Variants in RORA observed in about 807,000 individuals in gnomAD.
RORA encodes RAR related orphan receptor A, also known as nuclear receptor ROR-alpha.
Under a neutral mutation model 69.5 loss-of-function variants are expected in RORA, and 7 were observed. The observed-to-expected ratio is 0.10, with a 90% CI of 0.06 to 0.19. The LOEUF is 0.19. Among genes scored for constraint, RORA ranks in the 10% least tolerant of loss-of-function variants. RORA has a pLI of 1.00. For synonymous variants in RORA, 261 were observed against 240.8 expected (o/e 1.08, Z -0.78); for missense variants, 457 against 663.0 (o/e 0.69, Z 3.41).
At chr15:60,777,698 T>C (rs1221250190) in intron 1 of RORA, among the ~76,000 whole-genome samples, 1 of 152,114 alleles carries the variant, frequency 6.6e-6, no homozygotes, top group Non-Finnish European at 1.5e-5. Flanking sequence ...AGAGGTGAAG[T>C]CGAAAGAGTC....
At chr15:60,631,811 G>A (rs2069743244) in intron 2 of RORA, among the ~76,000 whole-genome samples, 1 of 152,162 alleles carries the variant, frequency 6.6e-6, no homozygotes, top group African/African-American at 2.4e-5. Flanking sequence ...TGGGTTAGAG[G>A]GAATTACTCC....
chr15:61,100,581 GT>G (rs2078865200), intron 1 of RORA, among the ~76,000 whole-genome samples: 1 of 152,174 alleles, frequency 6.6e-6, no homozygotes, highest in Non-Finnish European at 1.5e-5. Flanking sequence ...GTCCAGGGGT[GT>G]CTGTGGCTAG....
Position 60,544,704 on chromosome 15 carries a change from G to A in RORA, c.197-12853C>T, listed in dbSNP as rs563609797. The A allele has an allele frequency of 2.0e-5, 3 of 152,126 alleles. No individual in the cohort carries two copies. In the East Asian group the frequency reaches 5.8e-4, roughly 29 times the overall value. 9.4% of individuals were successfully genotyped at this position (152,126 alleles called of 1,614,324 possible). A position where few individuals can be genotyped will look rare whatever the true frequency, so the allele number is the denominator to read the frequency against. ...ATTTTTTTTTCCCCTCTCTTTGAAG[G>A]CCACTAATTGTGCCCTTTTGCTTTA... On this transcript the variant is annotated intron_variant, in intron 2 of 10. Transcript: ENST00000335670.
intron 1 of RORA, among the ~76,000 whole-genome samples, chr15:60,840,504 C>T (rs1332260027): frequency 6.6e-6 from 1 of 152,260 alleles, no homozygotes; most frequent in African/African-American, 2.4e-5. Flanking sequence ...ACCCTGTCCC[C>T]ACTCTCACCA....
At chr15:61,199,262 G>GA (rs11449228) in intron 1 of RORA, among the ~76,000 whole-genome samples, 9,662 of 150,220 alleles carry the variant, frequency 0.064, 1,019 homozygotes, top group African/African-American at 0.22. Flanking sequence ...GAAAGAAAGG[G>GA]AAAAAAAAAT....
intron 1 of RORA, among the ~76,000 whole-genome samples, chr15:60,972,746 T>A (rs1254076867): frequency 6.6e-6 from 1 of 152,176 alleles, no homozygotes; most frequent in African/African-American, 2.4e-5. Flanking sequence ...ATGGAAATAA[T>A]AATATTACTT....
At chr15:60,562,737 T>C (rs1436362740) in intron 2 of RORA, among the ~76,000 whole-genome samples, 2 of 151,982 alleles carry the variant, frequency 1.3e-5, no homozygotes, top group East Asian at 1.9e-4. Flanking sequence ...TGAGCCACTG[T>C]GCCTGGCTTT....
intron 2 of RORA, among the ~76,000 whole-genome samples, chr15:60,668,623 C>T (rs2070415374): frequency 6.6e-6 from 1 of 152,140 alleles, no homozygotes; most frequent in Admixed American, 6.5e-5. Context: ...GTTATCCTGT[C>T]TACTAACAGC....
chr15:60,766,148 G>T (rs1385389899), intron 1 of RORA, among the ~76,000 whole-genome samples: 1 of 151,990 alleles, frequency 6.6e-6, no homozygotes, highest in Non-Finnish European at 1.5e-5. Flanking sequence ...CTTTTCACTG[G>T]ACTGTTGTTG....
At chr15:60,558,049 G>C (rs375907040) in intron 2 of RORA, 4 of 422,124 alleles carry the variant, frequency 9.5e-6, no homozygotes, top group African/African-American at 6.1e-5. Flanking sequence ...GGGAACCTTA[G>C]TAGTGCCAAT....
At chr15:61,157,993 G>A (rs897960910) in intron 1 of RORA, among the ~76,000 whole-genome samples, 1 of 152,136 alleles carries the variant, frequency 6.6e-6, no homozygotes, top group African/African-American at 2.4e-5. Context: ...GGAGAGCATG[G>A]AAAGCCACAG....
chr15:61,012,115 A>G (rs939098491), intron 1 of RORA, among the ~76,000 whole-genome samples: 11 of 152,252 alleles, frequency 7.2e-5, no homozygotes, highest in African/African-American at 2.7e-4. Flanking sequence ...CCTCTCTCCA[A>G]TATTTACTGT....
chr15:61,158,635 G>A (rs909373249), intron 1 of RORA, among the ~76,000 whole-genome samples: 4 of 152,120 alleles, frequency 2.6e-5, no homozygotes, highest in Non-Finnish European at 4.4e-5. Flanking sequence ...CCGCTCCCCC[G>A]AGGTAAGTAC....
At position 61,105,003 on chromosome 15, in the gene RORA, C is replaced by G. The variant is rs189649417; in HGVS notation, c.166+124050G>C. Among the ~76,000 whole-genome samples the G allele has an allele frequency of 5.2e-3, 746 of 143,102 alleles. 4 individuals carry two copies. Among genetic ancestry groups the G allele is most frequent in the Non-Finnish European group, 7.9e-3 (515 of 65,006 alleles). 93.9% of individuals were successfully genotyped at this position (143,102 alleles called of 152,430 possible). ...TGCCATGATCATGAGGCGCCCCCCC[C>G]ACCGCCCAGCCACGTGGAACTCTGA... On this transcript the variant is annotated intron_variant, in intron 1 of 10. Coordinates refer to ENST00000335670, the MANE Select transcript of RORA (RefSeq NM_134261.3).
At chr15:60,982,015 T>TA (rs1270620379) in intron 1 of RORA, among the ~76,000 whole-genome samples, 1 of 152,246 alleles carries the variant, frequency 6.6e-6, no homozygotes, top group African/African-American at 2.4e-5. Flanking sequence ...ATTACTTCCA[T>TA]AAAATCTGTA....
At chr15:61,138,272 A>G (rs1555414183) in intron 1 of RORA, among the ~76,000 whole-genome samples, 1 of 152,022 alleles carries the variant, frequency 6.6e-6, no homozygotes, top group South Asian at 2.1e-4. Context: ...TTTTTTCTCT[A>G]ATTATCTATG....
At chr15:60,883,160 G>C (rs982328356) in intron 1 of RORA, among the ~76,000 whole-genome samples, 1 of 84,850 alleles carries the variant, frequency 1.2e-5, no homozygotes, top group East Asian at 2.2e-4. Flanking sequence ...AAGAAAGAGA[G>C]AGAGAGAGAG....
At chr15:60,732,702 ACC>A (rs772713079) in intron 1 of RORA, among the ~76,000 whole-genome samples, 1 of 151,720 alleles carries the variant, frequency 6.6e-6, no homozygotes, top group African/African-American at 2.4e-5. Flanking sequence ...GTGTACACAC[ACC>A]CCCCTTTACA....
chr15:60,586,910 A>C (rs1366943831), intron 2 of RORA, among the ~76,000 whole-genome samples: 1 of 152,196 alleles, frequency 6.6e-6, no homozygotes, highest in Non-Finnish European at 1.5e-5. Context: ...TTTAGACTTC[A>C]CGTGATTTTC....
Sources: gnomAD v4.1 joint callset for allele counts (sites outside exome capture counted in the v4.1 genomes callset) on GRCh38, gnomAD v4.1.1 for gene constraint, MANE v1.5 for transcripts, NCBI Gene and HGNC (gene_info 2026-07-23, HGNC 2026-07-21) for gene names.